The following EME2 variants were observed in gnomAD, a reference collection of about 807,000 sequenced individuals.
The protein encoded by EME2 is essential meiotic structure-specific endonuclease subunit 2, also known as structure-specific endonuclease subunit EME2.
EME2 carries 58 observed loss-of-function variants against 41.9 expected under a neutral mutation model. The observed-to-expected ratio is 1.38, with a 90% CI of 1.12 to 1.72. The LOEUF (loss-of-function observed/expected upper bound fraction) is 1.72. EME2 is among the 40% of genes most tolerant of loss of function. The pLI is 0.00. For missense variants in EME2, 695 were observed against 541.9 expected (o/e 1.28, Z -2.81); for synonymous variants, 334 against 239.3 (o/e 1.40, Z -3.65).
chr16:1,773,937 G>T (rs990325272), intron 2 of EME2, 96 bp downstream of exon 2: 3 of 1,406,760 alleles, frequency 2.1e-6, no homozygotes, highest in Admixed American at 5.4e-5. Context: ...GCTGCCCTGG[G>T]CCGTGCGCGT....
In EME2 at chr16:1,781,054, G is replaced by A; in HGVS notation, c.*4816G>A. 1.1e-6 allele frequency: 1 copy of A among 899,152 alleles called. No individual in the cohort carries two copies. Among genetic ancestry groups the A allele is most frequent in the South Asian group, 1.6e-5 (1 of 60,804 alleles). 55.7% of individuals were successfully genotyped at this position (899,152 alleles called of 1,614,324 possible). ...AGCCCCGTAGTGGAGAATTTCTGTT[G>A]AATGAACCAAAAGCAACTGCCAACC... On this transcript the variant is annotated 3_prime_UTR_variant, in exon 8 of 8. Coordinates refer to ENST00000568449, the MANE Select transcript of EME2 (RefSeq NM_001257370.2).
intron 2 of EME2, 139 bp from the exon 3 acceptor site, chr16:1,774,121 C>T (rs923029350): frequency 2.5e-6 from 2 of 803,686 alleles, no homozygotes; most frequent in Admixed American, 2.3e-5. Context: ...AAAGGGAACA[C>T]TGGGCTTCTG....
Position 1,773,126 on chromosome 16 carries a change from T to C in EME2, c.-102T>C. On this transcript the variant is annotated 5_prime_UTR_variant, in exon 1 of 8. Coordinates refer to ENST00000568449, the MANE Select transcript of EME2 (RefSeq NM_001257370.2). ...GCACCTTCTTCCGCGCCATGGCGGGTCCGCGTCCTCAGCGGTCCGGCCGGA... is the reference window on the plus strand; with the variant it reads ...GCACCTTCTTCCGCGCCATGGCGGGCCCGCGTCCTCAGCGGTCCGGCCGGA... 7.2e-7 allele frequency: 1 copy of C among 1,388,496 alleles called. No individual in the cohort carries two copies. Among genetic ancestry groups the C allele is most frequent in the Non-Finnish European group, 9.3e-7 (1 of 1,076,768 alleles). 86.0% of individuals were successfully genotyped at this position (1,388,496 alleles called of 1,614,324 possible).
rs1377683550 is a variant in EME2, at chr16:1,777,674, C to A, written c.*1436C>A. On this transcript the variant is annotated 3_prime_UTR_variant, in exon 8 of 8. Coordinates refer to ENST00000568449, the MANE Select transcript of EME2 (RefSeq NM_001257370.2). ...CCCTTTCAGAAAACCTCAGTGTCCC[C>A]TGGGCTGGGGCGGGGTGGCTGCCTC... 19 of 1,588,970 alleles carry A rather than the reference C, an allele frequency of 1.2e-5. No individual in the cohort carries two copies. The highest frequency in any genetic ancestry group is 1.7e-6 in the Non-Finnish European group (2 of 1,167,368).
In EME2 at chr16:1,775,115, G is replaced by A. The variant is rs2042689897; in HGVS notation, c.552G>A (p.Gly184=). Residue 184 remains glycine (G), a synonymous_variant, in exon 4 of 8, where the codon GGG becomes GGA. Coordinates refer to ENST00000568449, the MANE Select transcript of EME2 (RefSeq NM_001257370.2). ...TTARPHLAVI[G]LDAYLWSRQH... is the part of the protein sequence containing the mutation. ...CCCGGCCCCACCTGGCTGTCATCGGGCTGGATGCCTACCTGTGGTACCGCT... is the reference window on the plus strand; with the variant it reads ...CCCGGCCCCACCTGGCTGTCATCGGACTGGATGCCTACCTGTGGTACCGCT... 1.2e-6 allele frequency: 2 copies of A among 1,611,854 alleles called. No homozygotes were observed. Among genetic ancestry groups the A allele is most frequent in the African/African-American group, 2.7e-5 (2 of 74,936 alleles).
In EME2 at chr16:1,776,568, C is replaced by A. The variant is rs995436679; in HGVS notation, c.*330C>A. 5.8e-6 allele frequency: 2 copies of A among 346,748 alleles called. No individual in the cohort carries two copies. The highest frequency in any genetic ancestry group is 1.1e-5 in the Non-Finnish European group (2 of 189,294). 21.5% of individuals were successfully genotyped at this position (346,748 alleles called of 1,614,324 possible). ...AGAAGGCAGCTCCAGGGCCCCACTG[C>A]CACCTGGAGGCTTGGGGTGTGGCAC... On this transcript the variant is annotated 3_prime_UTR_variant, in exon 8 of 8. Transcript: ENST00000568449.
intron 3 of EME2, 39 bp from the exon 4 acceptor site, chr16:1,775,002 C>T (rs375849155): frequency 3.9e-6 from 6 of 1,543,216 alleles, no homozygotes; most frequent in African/African-American, 1.4e-5. Context: ...TAGGCCGCAG[C>T]CTCCTGTGAA....
At position 1,772,979 on chromosome 16, in the gene EME2, T is replaced by G. The variant is rs1188310963; in HGVS notation, c.-249T>G. The G allele has an allele frequency of 2.1e-6, 3 of 1,449,406 alleles. No homozygotes were observed. Among genetic ancestry groups the G allele is most frequent in the African/African-American group, 3.0e-5 (2 of 66,896 alleles). The allele number at this position is 1,449,406 out of a possible 1,614,324, so 89.8% of individuals were successfully genotyped here. ...CCCAGGCCCGGACCGGCAGCCGGCGTCCAGAGAACGGCCGCGTCAAGGTCT... is the reference window on the plus strand; with the variant it reads ...CCCAGGCCCGGACCGGCAGCCGGCGGCCAGAGAACGGCCGCGTCAAGGTCT... On this transcript the variant is annotated 5_prime_UTR_variant, in exon 1 of 8. Coordinates refer to ENST00000568449, the MANE Select transcript of EME2 (RefSeq NM_001257370.2).
In EME2 at chr16:1,776,255, C is replaced by A. The variant is rs1199904266; in HGVS notation, c.*17C>A. ...GGCTCCTGACCACACGTGGGACCACCAGGACAGCATGCAGCCTTGGGGACA... is the reference window on the plus strand; with the variant it reads ...GGCTCCTGACCACACGTGGGACCACAAGGACAGCATGCAGCCTTGGGGACA... On this transcript the variant is annotated 3_prime_UTR_variant, in exon 8 of 8. Coordinates refer to ENST00000568449, the MANE Select transcript of EME2 (RefSeq NM_001257370.2). The A allele has an allele frequency of 2.5e-6, 4 of 1,611,220 alleles. No homozygotes were observed. In the African/African-American group the frequency reaches 5.3e-5, roughly 22 times the overall value.
Position 1,781,035 on chromosome 16 carries a change from G to C in EME2, c.*4797G>C, listed in dbSNP as rs551051010. 12 of 676,770 alleles carry C rather than the reference G, an allele frequency of 1.8e-5. No individual in the cohort carries two copies. The African/African-American group carries it at 2.2e-4, about 12-fold the overall frequency. The allele number at this position is 676,770 out of a possible 1,614,324, so 41.9% of individuals were successfully genotyped here. Reference sequence around the variant, plus strand: ...GGTGTGAGCCACAGTGCCCAGCCCCGTAGTGGAGAATTTCTGTTGAATGAA... The same window carrying C: ...GGTGTGAGCCACAGTGCCCAGCCCCCTAGTGGAGAATTTCTGTTGAATGAA... On this transcript the variant is annotated 3_prime_UTR_variant, in exon 8 of 8. Coordinates refer to ENST00000568449, the MANE Select transcript of EME2 (RefSeq NM_001257370.2).
rs559229827 is a variant in EME2, at chr16:1,776,473, G to A, written c.*235G>A. ...GGTTCCTGTGCTGAGTCCTGAACAC[G>A]TAGGCCCCAGGGGAGGCCTCAGCAG... On this transcript the variant is annotated 3_prime_UTR_variant, in exon 8 of 8. Coordinates refer to ENST00000568449, the MANE Select transcript of EME2 (RefSeq NM_001257370.2). The A allele has an allele frequency of 2.7e-4, 119 of 438,062 alleles. No homozygotes were observed. The African/African-American group carries it at 2.8e-3, about 10-fold the overall frequency. 27.1% of individuals were successfully genotyped at this position (438,062 alleles called of 1,614,324 possible). A position where few individuals can be genotyped will look rare whatever the true frequency, so the allele number is the denominator to read the frequency against.
Position 1,775,111 on chromosome 16 carries a change from T to A in EME2, c.548T>A (p.Ile183Asn), listed in dbSNP as rs764544647. 3 of 1,611,906 alleles carry A rather than the reference T, an allele frequency of 1.9e-6. No individual in the cohort carries two copies. In the South Asian group the frequency reaches 3.3e-5, roughly 18 times the overall value. ...ETTARPHLAVIGLDAYLWSRQ... is the reference protein window; with the variant it reads ...ETTARPHLAVNGLDAYLWSRQ... Reference sequence around the variant, plus strand: ...ACCGCCCGGCCCCACCTGGCTGTCATCGGGCTGGATGCCTACCTGTGGTAC... The same window carrying A: ...ACCGCCCGGCCCCACCTGGCTGTCAACGGGCTGGATGCCTACCTGTGGTAC... Residue 183 changes from isoleucine to asparagine, a missense_variant, in exon 4 of 8, where the codon ATC becomes AAC. Coordinates refer to ENST00000568449, the MANE Select transcript of EME2 (RefSeq NM_001257370.2).
In EME2 at chr16:1,774,458, G is replaced by A. The variant is rs1177649491; in HGVS notation, c.477+106G>A. ...TGCCCCTGTAGACGGGGCTGGAGGG[G>A]GCATGGGGCAGGCCAGGACTCCTCT... On this transcript the variant is annotated intron_variant, in intron 3 of 7. Transcript: ENST00000568449. 48 of 910,632 alleles carry A rather than the reference G, an allele frequency of 5.3e-5. No individual in the cohort carries two copies. In the Middle Eastern group the frequency reaches 8.4e-4, roughly 16 times the overall value. The allele number at this position is 910,632 out of a possible 1,614,324, so 56.4% of individuals were successfully genotyped here.
Position 1,777,148 on chromosome 16 carries a change from G to A in EME2, c.*910G>A, listed in dbSNP as rs1196070529. On this transcript the variant is annotated 3_prime_UTR_variant, in exon 8 of 8. Coordinates refer to ENST00000568449, the MANE Select transcript of EME2 (RefSeq NM_001257370.2). The stretch of plus-strand genomic sequence containing the variant: ...GGCAGGGCCGAGGCTCGCGACTGCT[G>A]GGGTGGGCGGAGGTCGCTGCCTGGG... 1.2e-6 allele frequency: 2 copies of A among 1,611,516 alleles called. No individual in the cohort carries two copies. Among genetic ancestry groups the A allele is most frequent in the Admixed American group, 1.7e-5 (1 of 60,010 alleles).
At position 1,775,334 on chromosome 16, in the gene EME2, C is replaced by T. The variant is rs200684848; in HGVS notation, c.589C>T (p.Arg197Trp). ...GCTCAGGTCTCGCCAGCACGTTTCC[C>T]GGGGGACACAGCAGCCAGAGAGCCC... ...AYLWSRQHVS[R>W]GTQQPESPKV... is the part of the protein sequence containing the mutation. The change falls in exon 5 of 8, where the codon CGG (arginine) becomes TGG (tryptophan). Residue 197 changes from arginine (R) to tryptophan (W), a missense_variant. Coordinates refer to ENST00000568449, the MANE Select transcript of EME2 (RefSeq NM_001257370.2). 1.5e-4 allele frequency: 245 copies of T among 1,610,506 alleles called. 1 individual carries two copies. The highest frequency in any genetic ancestry group is 1.9e-4 in the Non-Finnish European group (223 of 1,180,008).
rs1272626212 is a variant in EME2 at position 1,777,416 on chromosome 16, T to C, written c.*1178T>C. 3 of 1,550,732 alleles carry C rather than the reference T, an allele frequency of 1.9e-6. No homozygotes were observed. In the African/African-American group the frequency reaches 4.1e-5, roughly 21 times the overall value. On this transcript the variant is annotated 3_prime_UTR_variant, in exon 8 of 8. Coordinates refer to ENST00000568449, the MANE Select transcript of EME2 (RefSeq NM_001257370.2). ...GGAGCACACCATCGGGTAGAATCTC[T>C]TGTTCTGCAGCTTGGTGGCTGCCAC...
rs2042667822 is a variant in EME2 at position 1,773,755 on chromosome 16, C to T, written c.298C>T (p.Leu100=). The stretch of plus-strand genomic sequence containing the variant: ...CGTCCTGATGGAGGCCCTGGAGGCC[C>T]TGGGCTGCGAGTGCCGCATCGAGCC... ...ADVLMEALEA[L]GCECRIEPQR... Residue 100 remains leucine, a synonymous_variant, in exon 2 of 8, where the codon CTG becomes TTG. Transcript: ENST00000568449. The T allele has an allele frequency of 6.5e-7, 1 of 1,550,134 alleles. No homozygotes were observed. Among genetic ancestry groups the T allele is most frequent in the East Asian group, 2.4e-5 (1 of 41,080 alleles).
chr16:1,774,934 G>A (rs2042686227), intron 3 of EME2, 107 bp from the exon 4 acceptor site: 1 of 860,322 alleles, frequency 1.2e-6, no homozygotes, highest in Non-Finnish European at 1.9e-6. Context: ...CGGCACCACT[G>A]GCTCTTTTTC....
rs545128735 is a variant in EME2 at position 1,774,120 on chromosome 16, A to C, written c.385-140A>C. 119 of 798,394 alleles carry C rather than the reference A, an allele frequency of 1.5e-4. No homozygotes were observed. The East Asian group carries it at 3.0e-3, about 20-fold the overall frequency. The allele number at this position is 798,394 out of a possible 1,614,324, so 49.5% of individuals were successfully genotyped here. A position where few individuals can be genotyped will look rare whatever the true frequency, so the allele number is the denominator to read the frequency against. On this transcript the variant is annotated intron_variant, in intron 2 of 7. Transcript: ENST00000568449. ...GCTTGGCCTTGGCAGGAAAGGGAAC[A>C]CTGGGCTTCTGTAGAGCAGGCCTGT...
Sources: allele counts gnomAD v4.1 joint callset, GRCh38; gene constraint gnomAD v4.1.1; transcripts MANE v1.5; gene names NCBI Gene and HGNC (gene_info 2026-07-23, HGNC 2026-07-21).